ADNP2: variants seen among roughly 807,000 people sequenced by gnomAD.
The protein encoded by ADNP2 is activity-dependent neuroprotector homeobox protein 2.
A neutral mutation model predicts 16.4 loss-of-function variants in ADNP2; 8 were observed. The ratio of observed to expected loss-of-function variants is 0.49; its 90% confidence interval spans 0.29 to 0.88. ADNP2 has a LOEUF of 0.88. ADNP2 is among the 40% of genes least tolerant of loss of function. ADNP2 has a pLI of 0.09. For synonymous variants in ADNP2, 637 were observed against 545.8 expected, an observed-to-expected ratio of 1.17 and a Z score of -2.33; for missense variants, 1,397 against 1,395.1, an observed-to-expected ratio of 1.00 and a Z score of -0.02.
At chr18:80,134,383 A>AGG (rs1243465895) in intron 3 of ADNP2, among the ~76,000 whole-genome samples, 6 of 117,726 alleles carry the variant, frequency 5.1e-5, no homozygotes, top group South Asian at 3.3e-4. Flanking sequence ...TGAAGAATGG[A>AGG]AGAGTGTGTG....
chr18:80,123,872 G>A (rs945166981), intron 2 of ADNP2, among the ~76,000 whole-genome samples: 3 of 152,012 alleles, frequency 2.0e-5, no homozygotes, highest in African/African-American at 4.8e-5. Flanking sequence ...TGGGATTACA[G>A]GCGTGCATCA....
rs1426340892 is a variant in ADNP2, at chr18:80,137,329, T to C, written c.1916T>C (p.Met639Thr). The C allele has an allele frequency of 6.2e-7, 1 of 1,613,852 alleles. No individual in the cohort carries two copies. The highest frequency in any genetic ancestry group is 1.7e-5 in the Admixed American group (1 of 59,978). Residue 639 changes from methionine (M) to threonine (T), a missense_variant, in exon 4 of 4, where the codon ATG becomes ACG. Coordinates refer to ENST00000262198, the MANE Select transcript of ADNP2 (RefSeq NM_014913.4). This position sits in a 1 kb window ranked among gnomAD's most constrained non-coding sequence, Gnocchi z 4.2. ...GGLATVAPPQ[M>T]PIQLLPSGAA... The stretch of plus-strand genomic sequence containing the variant: ...CTTGCGACTGTCGCTCCGCCCCAGA[T>C]GCCCATCCAGCTCCTGCCGTCAGGT...
At chr18:80,133,788 T>TG (rs1403258652) in intron 3 of ADNP2, 2 of 152,778 alleles carry the variant, frequency 1.3e-5, no homozygotes, top group African/African-American at 4.8e-5. Context: ...ATGCTGGCCT[T>TG]GGGAATTTGG....
chr18:80,138,137 G>A lies in ADNP2; in HGVS notation c.2724G>A (p.Leu908=). 2 of 1,614,078 alleles carry A rather than the reference G, an allele frequency of 1.2e-6. No individual in the cohort carries two copies. The highest frequency in any genetic ancestry group is 1.7e-6 in the Non-Finnish European group (2 of 1,180,042). The change falls in exon 4 of 4, where the codon CTG becomes CTA. Residue 908 remains leucine, a synonymous_variant. Transcript: ENST00000262198. ...HHIMPTVHTV[L]KSPAFKCIHC... ...TCATGCCCACAGTCCACACGGTCCT[G>A]AAGTCTCCCGCCTTCAAGTGCATCC...
chr18:80,132,615 C>G (rs568135745), intron 2 of ADNP2, among the ~76,000 whole-genome samples: 196 of 151,714 alleles, frequency 1.3e-3, no homozygotes, highest in African/African-American at 4.5e-3. Flanking sequence ...TTCTCTTTCT[C>G]TTTCTTTTTT....
At chr18:80,110,281 A>G (rs972493335) in intron 1 of ADNP2, among the ~76,000 whole-genome samples, 1 of 152,256 alleles carries the variant, frequency 6.6e-6, no homozygotes, top group African/African-American at 2.4e-5. Flanking sequence ...AATACTGTAC[A>G]GATGCAGAAT....
At chr18:80,125,670 G>T (rs968675749) in intron 2 of ADNP2, among the ~76,000 whole-genome samples, 7 of 151,808 alleles carry the variant, frequency 4.6e-5, no homozygotes, top group African/African-American at 1.5e-4. Context: ...AAATAGCCAG[G>T]TGTGGTGGTG....
intron 2 of ADNP2, among the ~76,000 whole-genome samples, chr18:80,123,395 G>T (rs2145199723): frequency 6.6e-6 from 1 of 152,054 alleles, no homozygotes; most frequent in South Asian, 2.1e-4. Flanking sequence ...TTTTGAGAGG[G>T]AGTTGCGTTC....
chr18:80,121,716 T>C (rs760999426), intron 2 of ADNP2, among the ~76,000 whole-genome samples: 38 of 152,216 alleles, frequency 2.5e-4, no homozygotes, highest in Admixed American at 1.1e-3. Flanking sequence ...ATATATTGTA[T>C]AAGTAGGAGT....
In ADNP2 at chr18:80,139,553, G is replaced by A. The variant is rs2052567467; in HGVS notation, c.*744G>A. 6.6e-6 allele frequency: 1 copy of A among 152,452 alleles called. No individual in the cohort carries two copies. The highest frequency in any genetic ancestry group is 2.1e-4 in the South Asian group (1 of 4,826). The allele number at this position is 152,452 out of a possible 1,614,324, so 9.4% of individuals were successfully genotyped here. ...TCTGTAGATGCAGAAATATTTTTCA[G>A]TGTAGATTTTCCCTTTTGATATGCT... On this transcript the variant is annotated 3_prime_UTR_variant, in exon 4 of 4. Coordinates refer to ENST00000262198, the MANE Select transcript of ADNP2 (RefSeq NM_014913.4).
intron 1 of ADNP2, 46 bp from the exon 2 acceptor site, chr18:80,117,484 A>G: frequency 2.5e-6 from 3 of 1,194,340 alleles, no homozygotes; most frequent in Non-Finnish European, 2.3e-6. Context: ...ATTTTTGTGT[A>G]TTATATACAT....
intron 1 of ADNP2, 41 bp downstream of exon 1, chr18:80,109,513 C>CCCCCTGCCCCGGTCCTGG (rs2052342483): frequency 1.4e-5 from 2 of 147,744 alleles, no homozygotes; most frequent in Non-Finnish European, 3.0e-5. Flanking sequence ...CGCGGCGACG[C>CCCCCTGCCCCGGTCCTGG]CCCCTGCCCC....
intron 2 of ADNP2, among the ~76,000 whole-genome samples, chr18:80,131,334 A>G (rs1195043244): frequency 6.6e-6 from 1 of 152,138 alleles, no homozygotes; most frequent in African/African-American, 2.4e-5. Context: ...CCTTGTCTAC[A>G]CTATAGGTCT....
intron 2 of ADNP2, among the ~76,000 whole-genome samples, chr18:80,132,333 T>G (rs1371764027): frequency 6.6e-6 from 1 of 152,230 alleles, no homozygotes; most frequent in Admixed American, 6.5e-5. Context: ...GCATCTGTAC[T>G]GAACATGTAC....
At position 80,138,185 on chromosome 18, in the gene ADNP2, A is replaced by T; in HGVS notation, c.2772A>T (p.Gly924=). Residue 924 remains glycine, a synonymous_variant, in exon 4 of 4, where the codon GGA becomes GGT. Transcript: ENST00000262198. ...TCCACTGCTGTGGGGTCTACACGGG[A>T]AATATGACCCTGGCTGCCATCGCCG... The part of the protein sequence containing the change: ...KCIHCCGVYT[G]NMTLAAIAVH... The T allele has an allele frequency of 6.2e-7, 1 of 1,614,146 alleles. No homozygotes were observed. Among genetic ancestry groups the T allele is most frequent in the South Asian group, 1.1e-5 (1 of 91,086 alleles).
In ADNP2 at chr18:80,135,958, T is replaced by G. The variant is rs775205922; in HGVS notation, c.545T>G (p.Leu182Ter). The G allele has an allele frequency of 6.2e-7, 1 of 1,614,094 alleles. No individual in the cohort carries two copies. Among genetic ancestry groups the G allele is most frequent in the African/African-American group, 1.3e-5 (1 of 74,928 alleles). The change falls in exon 4 of 4, where the codon TTA becomes TGA. Residue 182 changes from leucine to a stop codon, truncating the protein, a stop_gained. Coordinates refer to ENST00000262198, the MANE Select transcript of ADNP2 (RefSeq NM_014913.4). LOFTEE classifies it low-confidence loss of function (END_TRUNC). ...KHVLVAHFHY[L>*]INSYFGLRTE... is the part of the protein sequence containing the mutation. The stretch of plus-strand genomic sequence containing the variant: ...GTGCTGGTAGCCCATTTTCACTACT[T>G]AATTAACTCCTACTTTGGCCTAAGA...
At chr18:80,111,781 G>C (rs2052359000) in intron 1 of ADNP2, among the ~76,000 whole-genome samples, 1 of 152,004 alleles carries the variant, frequency 6.6e-6, no homozygotes, top group African/African-American at 2.4e-5. Flanking sequence ...CTGACCTCAG[G>C]TGATCTGCCC....
At position 80,117,583 on chromosome 18, in the gene ADNP2, A is replaced by G; in HGVS notation, c.41A>G (p.Lys14Arg). ...GTGGAAAATCTTGACAACATCAGAAAGGTGCGAAAAAAGGTGAAAGGTATT... is the reference window on the plus strand; with the variant it reads ...GTGGAAAATCTTGACAACATCAGAAGGGTGCGAAAAAAGGTGAAAGGTATT... Reference protein sequence around the residue: ...IPVENLDNIRKVRKKVKGILV... With the variant: ...IPVENLDNIRRVRKKVKGILV... The change falls in exon 2 of 4, where the codon AAG becomes AGG. Residue 14 changes from lysine (K) to arginine (R), a missense_variant. Around this residue, in one of 3 missense-constraint regions of ADNP2, gnomAD observed 777 missense variants for 719.4 expected, o/e 1.08. Coordinates refer to ENST00000262198, the MANE Select transcript of ADNP2 (RefSeq NM_014913.4). 1 of 1,604,510 alleles carries G rather than the reference A, an allele frequency of 6.2e-7. No homozygotes were observed. The highest frequency in any genetic ancestry group is 8.5e-7 in the Non-Finnish European group (1 of 1,177,548).
intron 3 of ADNP2, among the ~76,000 whole-genome samples, chr18:80,134,298 G>A (rs2052517171): frequency 6.6e-6 from 1 of 152,098 alleles, no homozygotes; most frequent in African/African-American, 2.4e-5. Context: ...GGCGTAGGTT[G>A]CAGTGAGCTG....
Sources: allele counts gnomAD v4.1 joint callset (sites outside exome capture counted in the v4.1 genomes callset), GRCh38; gene constraint gnomAD v4.1.1; regional missense constraint gnomAD v4.1.1; non-coding constraint Gnocchi (gnomAD v3.1); transcripts MANE v1.5; gene names NCBI Gene and HGNC (gene_info 2026-07-23, HGNC 2026-07-21).